NME8: variants seen among roughly 807,000 people sequenced by gnomAD.
NME8 encodes protein NME8.
A neutral mutation model predicts 82.3 loss-of-function variants in NME8; 72 were observed. The ratio of observed to expected loss-of-function variants is 0.87; its 90% CI spans 0.72 to 1.06. The LOEUF (loss-of-function observed/expected upper bound fraction) is 1.06. Ranked by LOEUF, NME8 falls within the 50% of genes least tolerant of loss-of-function variation. The pLI is 0.00. For missense variants in NME8, 712 were observed against 685.4 expected, an observed-to-expected ratio of 1.04 and a Z score of -0.43; for synonymous variants, 267 against 228.5, an observed-to-expected ratio of 1.17 and a Z score of -1.52.
intron 12 of NME8, 106 bp from the exon 13 acceptor site, chr7:37,884,175 CTGCAAACTTTCAAAATTTCGTA>C: frequency 1.5e-6 from 1 of 682,250 alleles, no homozygotes; most frequent in Non-Finnish European, 2.6e-6. Flanking sequence ...GAAGGTATTT[CTGCAAACTTTCAAAATTTCGTA>C]TGAGAATAAA....
rs539483896 is a variant in NME8, at chr7:37,877,085, A to G, written c.994+78A>G. ...TAAACCCTAGTATAATTGCATTTAA[A>G]GACATTGTTTTAAAATTTAACATTG... is the stretch of plus-strand genomic sequence containing the variant. On this transcript the variant is annotated intron_variant, in intron 12 of 17. Coordinates refer to ENST00000199447, the MANE Select transcript of NME8 (RefSeq NM_016616.5). 3.2e-5 allele frequency: 39 copies of G among 1,222,258 alleles called. No individual in the cohort carries two copies. In the East Asian group the frequency reaches 9.5e-4, roughly 30 times the overall value. The allele number at this position is 1,222,258 out of a possible 1,614,324, so 75.7% of individuals were successfully genotyped here.
At chr7:37,878,176 G>A (rs546021289) in intron 12 of NME8, among the ~76,000 whole-genome samples, 1 of 152,108 alleles carries the variant, frequency 6.6e-6, no homozygotes, top group Non-Finnish European at 1.5e-5. Flanking sequence ...ATCAGGAAAG[G>A]ATGTTGTGTT....
At chr7:37,860,505 T>C (rs1182804908) in intron 6 of NME8, among the ~76,000 whole-genome samples, 3 of 152,238 alleles carry the variant, frequency 2.0e-5, no homozygotes, top group Admixed American at 2.0e-4. Context: ...TTTTGGCTTA[T>C]GTGACTTGGT....
At chr7:37,885,060 A>C (rs1193601133) in intron 13 of NME8, 85 bp from the exon 14 acceptor site, 1 of 808,120 alleles carries the variant, frequency 1.2e-6, no homozygotes, top group Non-Finnish European at 2.1e-6. Context: ...TGATCTATTT[A>C]ACAATATGCA....
chr7:37,880,392 G>A lies in NME8; in HGVS notation c.994+3385G>A, dbSNP rs187949217. On this transcript the variant is annotated intron_variant, in intron 12 of 17. Coordinates refer to ENST00000199447, the MANE Select transcript of NME8 (RefSeq NM_016616.5). ...TTTTTATGAATAGTATAAGGTCTGTGTCTAGACTTACTGTTTTGAGAGGGT... is the reference window on the plus strand; with the variant it reads ...TTTTTATGAATAGTATAAGGTCTGTATCTAGACTTACTGTTTTGAGAGGGT... 3.2e-3 allele frequency among the ~76,000 whole-genome samples: 481 copies of A among 152,248 alleles called. 6 individuals are homozygous for A. Among genetic ancestry groups the A allele is most frequent in the African/African-American group, 0.011 (455 of 41,562 alleles).
chr7:37,860,612 C>T (rs553270095), intron 6 of NME8, among the ~76,000 whole-genome samples: 7 of 152,282 alleles, frequency 4.6e-5, no homozygotes, highest in South Asian at 2.1e-4. Flanking sequence ...TCAGGCTGTA[C>T]GCTCTCCTTA....
intron 15 of NME8, among the ~76,000 whole-genome samples, chr7:37,892,760 C>A (rs901305014): frequency 6.6e-6 from 1 of 151,634 alleles, no homozygotes; most frequent in African/African-American, 2.4e-5. Flanking sequence ...TATTGCTTGG[C>A]CATTTCTGGT....
intron 17 of NME8, among the ~76,000 whole-genome samples, chr7:37,899,443 C>A (rs557351127): frequency 2.0e-5 from 3 of 151,982 alleles, no homozygotes; most frequent in Non-Finnish European, 4.4e-5. Flanking sequence ...AACCAAACAC[C>A]GCATGTTCTC....
At chr7:37,858,613 C>T (rs929762504) in intron 6 of NME8, among the ~76,000 whole-genome samples, 2 of 152,012 alleles carry the variant, frequency 1.3e-5, no homozygotes, top group African/African-American at 2.4e-5. Flanking sequence ...GAATGAATAA[C>T]AACACAGAGG....
rs1209389604 is a variant in NME8 at position 37,894,622 on chromosome 7, A to G, written c.1544+12A>G. 1 of 1,574,728 alleles carries G rather than the reference A, an allele frequency of 6.4e-7. No individual in the cohort carries two copies. The highest frequency in any genetic ancestry group is 1.7e-5 in the Admixed American group (1 of 59,224). ...GAAATGTTATCTGTGTAAGTTTCTG[A>G]TACATAATTGTTTGCATTATAAAAG... On this transcript the variant is annotated intron_variant, in intron 16 of 17. Coordinates refer to ENST00000199447, the MANE Select transcript of NME8 (RefSeq NM_016616.5).
intron 2 of NME8, among the ~76,000 whole-genome samples, chr7:37,849,732 G>A (rs903207336): frequency 3.9e-4 from 59 of 152,146 alleles, no homozygotes; most frequent in African/African-American, 1.3e-3. Flanking sequence ...TTAGCCCGCC[G>A]TGGTGGCGGG....
intron 8 of NME8, 60 bp downstream of exon 8, chr7:37,863,522 C>A: frequency 1.1e-6 from 1 of 906,620 alleles, no homozygotes; most frequent in Non-Finnish European, 1.9e-6. Context: ...GTCATCACAG[C>A]ATCACTTGTT....
chr7:37,888,387 CT>C lies in NME8; in HGVS notation c.1361del (p.Leu454Ter). 6.2e-7 allele frequency: 1 copy of C among 1,613,308 alleles called. No homozygotes were observed. Reference sequence around the variant, plus strand: ...CAGCATTTCTTTCCTCTTCAAAGCACTTTAGGCTTGATTAAACCTCATGCAA... The same window carrying C: ...CAGCATTTCTTTCCTCTTCAAAGCACTTAGGCTTGATTAAACCTCATGCAA... ...EIQHFFPLQS[T>X]LGLIKPHATS... On this transcript the variant is annotated frameshift_variant, in exon 15 of 18. Transcript: ENST00000199447. LOFTEE classifies it high-confidence loss of function.
intron 2 of NME8, 110 bp from the exon 3 acceptor site, chr7:37,850,150 A>G (rs1784417554): frequency 2.6e-6 from 2 of 780,816 alleles, no homozygotes; most frequent in African/African-American, 1.7e-5. Flanking sequence ...TACACCTACT[A>G]TGTACCCACA....
intron 14 of NME8, among the ~76,000 whole-genome samples, chr7:37,885,984 T>C (rs1280424719): frequency 6.6e-6 from 1 of 152,214 alleles, no homozygotes; most frequent in East Asian, 1.9e-4. Context: ...TTTAAGGTAC[T>C]GCAAACATGA....
At chr7:37,862,732 C>T (rs1448561344) in intron 7 of NME8, among the ~76,000 whole-genome samples, 1 of 151,790 alleles carries the variant, frequency 6.6e-6, no homozygotes, top group Non-Finnish European at 1.5e-5. Flanking sequence ...TATCAAATGC[C>T]CTTTTGATAT....
chr7:37,864,978 G>C (rs985779223), intron 9 of NME8, among the ~76,000 whole-genome samples: 1 of 152,134 alleles, frequency 6.6e-6, no homozygotes, highest in East Asian at 1.9e-4. Context: ...CACAACACAT[G>C]GGAATTGTGG....
intron 5 of NME8, among the ~76,000 whole-genome samples, chr7:37,853,187 T>C (rs1050277738): frequency 6.6e-6 from 1 of 152,192 alleles, no homozygotes. Flanking sequence ...TGTTCTCTTA[T>C]TGTTGAGTTT....
chr7:37,850,764 G>A (rs1428514979), intron 5 of NME8, 29 bp downstream of exon 5: 1 of 1,390,540 alleles, frequency 7.2e-7, no homozygotes, highest in African/African-American at 1.4e-5. Context: ...TTAAACCACT[G>A]TTTTCACATT....
Sources: gnomAD v4.1 joint callset for allele counts (sites outside exome capture counted in the v4.1 genomes callset) on GRCh38, gnomAD v4.1.1 for gene constraint, MANE v1.5 for transcripts, NCBI Gene and HGNC (gene_info 2026-07-23, HGNC 2026-07-21) for gene names.